Variants in AVEN observed in about 807,000 individuals in gnomAD.
AVEN encodes cell death regulator Aven.
Under a neutral mutation model 38.1 loss-of-function variants are expected in AVEN, and 41 were observed. The ratio of observed to expected loss-of-function variants is 1.08; its 90% CI spans 0.84 to 1.40. The LOEUF (loss-of-function observed/expected upper bound fraction) is 1.40. Among genes scored for constraint, AVEN ranks in the 40% most tolerant of loss-of-function variants. The probability of loss-of-function intolerance (pLI) is 0.00; values close to 1 mark genes in which losing one functional copy is unlikely to be tolerated. For missense variants in AVEN, 605 were observed against 438.8 expected (o/e 1.38, Z -3.38); for synonymous variants, 206 against 171.8 (o/e 1.20, Z -1.56).
chr15:33,923,778 T>C (rs893688224), intron 2 of AVEN, among the ~76,000 whole-genome samples: 2 of 151,882 alleles, frequency 1.3e-5, no homozygotes, highest in Non-Finnish European at 2.9e-5. Flanking sequence ...CAAAGCTTCA[T>C]CTGTATTTAC....
intron 2 of AVEN, among the ~76,000 whole-genome samples, chr15:33,955,708 C>T (rs892492428): frequency 1.3e-5 from 2 of 152,162 alleles, no homozygotes; most frequent in Non-Finnish European, 2.9e-5. Flanking sequence ...GCATTACTTG[C>T]TTTTCCAAAA....
At chr15:33,999,796 C>A (rs1375441004) in intron 2 of AVEN, among the ~76,000 whole-genome samples, 2 of 152,142 alleles carry the variant, frequency 1.3e-5, no homozygotes, top group Non-Finnish European at 2.9e-5. Context: ...CTACCCGCTC[C>A]CCTCTTGCCA....
At chr15:33,892,577 T>C (rs963717698) in intron 2 of AVEN, among the ~76,000 whole-genome samples, 5 of 152,182 alleles carry the variant, frequency 3.3e-5, no homozygotes, top group East Asian at 1.9e-4. Context: ...TTCTGTTCCA[T>C]TGGTCTGTAT....
chr15:34,013,849 G>A (rs760785216), intron 1 of AVEN, among the ~76,000 whole-genome samples: 13 of 152,114 alleles, frequency 8.5e-5, no homozygotes, highest in Non-Finnish European at 1.6e-4. Flanking sequence ...ACCCATGAGC[G>A]AGAAACAGTT....
intron 2 of AVEN, among the ~76,000 whole-genome samples, chr15:33,957,695 G>C (rs930287197): frequency 6.6e-6 from 1 of 150,998 alleles, no homozygotes; most frequent in African/African-American, 2.5e-5. Flanking sequence ...CAACAACATA[G>C]GGGAATCTCA....
intron 2 of AVEN, among the ~76,000 whole-genome samples, chr15:33,951,241 A>G (rs1894732022): frequency 6.6e-6 from 1 of 152,310 alleles, no homozygotes; most frequent in Admixed American, 6.5e-5. Flanking sequence ...AGTATTTTTT[A>G]GTCTCTCAGG....
At chr15:33,985,826 T>C (rs1896420831) in intron 2 of AVEN, among the ~76,000 whole-genome samples, 1 of 152,126 alleles carries the variant, frequency 6.6e-6, no homozygotes, top group Non-Finnish European at 1.5e-5. Flanking sequence ...TATTAATTTC[T>C]AGGAAATGTT....
At chr15:33,973,175 A>C (rs543671052) in intron 2 of AVEN, among the ~76,000 whole-genome samples, 18 of 152,354 alleles carry the variant, frequency 1.2e-4, no homozygotes, top group African/African-American at 3.8e-4. Flanking sequence ...TGTCATCATC[A>C]GACTACGTGG....
intron 2 of AVEN, among the ~76,000 whole-genome samples, chr15:33,996,194 G>A (rs1896924824): frequency 6.6e-6 from 1 of 152,222 alleles, no homozygotes; most frequent in Admixed American, 6.5e-5. Context: ...GAAGTGGACA[G>A]AGCCCACTGC....
At chr15:33,981,066 T>C (rs1314297441) in intron 2 of AVEN, among the ~76,000 whole-genome samples, 1 of 127,018 alleles carries the variant, frequency 7.9e-6, no homozygotes, top group African/African-American at 2.5e-5. Context: ...AAACATACAA[T>C]CACAACTTGA....
chr15:33,907,891 G>A (rs1166373117), intron 2 of AVEN, among the ~76,000 whole-genome samples: 5 of 151,414 alleles, frequency 3.3e-5, no homozygotes, highest in African/African-American at 1.2e-4. Context: ...TATAATCTTG[G>A]AGTGAAGAAG....
At chr15:33,985,434 T>A (rs1896390236) in intron 2 of AVEN, among the ~76,000 whole-genome samples, 1 of 82,470 alleles carries the variant, frequency 1.2e-5, no homozygotes, top group Admixed American at 1.2e-4. Context: ...TCAGTGTTCC[T>A]TTTTCAGTAA....
intron 2 of AVEN, among the ~76,000 whole-genome samples, chr15:33,981,024 T>C (rs1896116937): frequency 6.6e-6 from 1 of 152,176 alleles, no homozygotes; most frequent in African/African-American, 2.4e-5. Context: ...AAAAATGCTG[T>C]GACTTGCTGA....
At chr15:33,968,845 T>G (rs1027644994) in intron 2 of AVEN, 9 of 152,084 alleles carry the variant, frequency 5.9e-5, no homozygotes, top group African/African-American at 2.2e-4. Flanking sequence ...GCTGAAGCAT[T>G]CAATGAATCT....
rs1340547929 is a variant in AVEN at position 34,038,791 on chromosome 15, C to T, written c.256G>A (p.Ala86Thr). The T allele has an allele frequency of 1.4e-5, 17 of 1,188,856 alleles. No individual in the cohort carries two copies. The highest frequency in any genetic ancestry group is 1.7e-5 in the Non-Finnish European group (16 of 959,818). The allele number at this position is 1,188,856 out of a possible 1,614,324, so 73.6% of individuals were successfully genotyped here. A position where few individuals can be genotyped will look rare whatever the true frequency, so the allele number is the denominator to read the frequency against. ...RREPGGWGAGASAPVEDDSDA... is the reference protein window; with the variant it reads ...RREPGGWGAGTSAPVEDDSDA... ...CCGTCGCCTCTTACCGGCGCGCTGG[C>T]CCCTGCGCCCCAGCCTCCCGGCTCC... is the stretch of plus-strand genomic sequence containing the variant. The change falls in exon 1 of 6, where the codon GCC (alanine) becomes ACC (threonine). Residue 86 changes from alanine to threonine, a missense_variant. Transcript: ENST00000306730.
chr15:33,963,230 T>A (rs1334742375), intron 2 of AVEN, among the ~76,000 whole-genome samples: 2 of 152,218 alleles, frequency 1.3e-5, no homozygotes, highest in Non-Finnish European at 2.9e-5. Context: ...GGCACTGTGC[T>A]AGGTGCTTTG....
At chr15:33,874,706 G>A (rs1327022874) in intron 3 of AVEN, among the ~76,000 whole-genome samples, 23 of 152,150 alleles carry the variant, frequency 1.5e-4, no homozygotes, top group Admixed American at 1.4e-3. Flanking sequence ...GAACAGGCAT[G>A]GTCTGTCTCA....
intron 1 of AVEN, among the ~76,000 whole-genome samples, chr15:34,072,633 T>A (rs1422493405): frequency 6.6e-6 from 1 of 151,764 alleles, no homozygotes; most frequent in Non-Finnish European, 1.5e-5. Flanking sequence ...GTAATTTTAT[T>A]TTATTTTACT....
At chr15:34,045,957 G>A (rs930251881) in intron 5 of AVEN, among the ~76,000 whole-genome samples, 6 of 152,124 alleles carry the variant, frequency 3.9e-5, no homozygotes, top group African/African-American at 1.4e-4. Context: ...ATAAACCTGA[G>A]ATGATTACTG....
Sources: gnomAD v4.1 joint callset for allele counts (sites outside exome capture counted in the v4.1 genomes callset) on GRCh38, gnomAD v4.1.1 for gene constraint, MANE v1.5 for transcripts, NCBI Gene and HGNC (gene_info 2026-07-23, HGNC 2026-07-21) for gene names.